EIF3F: variants seen among roughly 807,000 people sequenced by gnomAD.
EIF3F encodes the protein deubiquitinating enzyme eIF3f.
A neutral mutation model predicts 36.0 loss-of-function variants in EIF3F; 8 were observed. The observed-to-expected ratio is 0.22, with a 90% CI of 0.13 to 0.40. EIF3F has a LOEUF of 0.40. Among genes scored for constraint, EIF3F ranks in the 10% least tolerant of loss-of-function variants. EIF3F has a pLI of 1.00. For missense variants in EIF3F, 430 were observed against 467.6 expected (o/e 0.92, Z 0.74); for synonymous variants, 184 against 188.5 (o/e 0.98, Z 0.19).
chr11:7,994,631 T>C lies in EIF3F; in HGVS notation c.745+114T>C, dbSNP rs1040742623. 6 of 974,840 alleles carry C rather than the reference T, an allele frequency of 6.2e-6. No homozygotes were observed. The African/African-American group carries it at 9.8e-5, about 16-fold the overall frequency. 60.4% of individuals were successfully genotyped at this position (974,840 alleles called of 1,614,324 possible). ...GTGGTTTGAAAAGGGACTATTGATC[T>C]AAGGTTTGTGAAGACTAGAAGTCAC... is the stretch of plus-strand genomic sequence containing the variant. On this transcript the variant is annotated intron_variant, in intron 5 of 7. Coordinates refer to ENST00000651655, the MANE Select transcript of EIF3F (RefSeq NM_003754.3).
At chr11:7,989,856 A>G (rs1324986763) in intron 1 of EIF3F, among the ~76,000 whole-genome samples, 1 of 152,272 alleles carries the variant, frequency 6.6e-6, no homozygotes, top group Non-Finnish European at 1.5e-5. Context: ...TGTAGGTGAC[A>G]GGAGGTAGAG....
intron 1 of EIF3F, among the ~76,000 whole-genome samples, chr11:7,988,888 A>G (rs993359201): frequency 6.6e-6 from 1 of 152,244 alleles, no homozygotes; most frequent in African/African-American, 2.4e-5. Context: ...CATTCACATC[A>G]GGCCTGGACC....
At chr11:7,987,814 C>T in intron 1 of EIF3F, 98 bp downstream of exon 1, 3 of 1,373,924 alleles carry the variant, frequency 2.2e-6, no homozygotes, top group Middle Eastern at 2.4e-4. Context: ...GGTGTCCTAC[C>T]GTCCTTTCCT....
At chr11:7,988,625 C>T (rs1430181595) in intron 1 of EIF3F, among the ~76,000 whole-genome samples, 1 of 152,182 alleles carries the variant, frequency 6.6e-6, no homozygotes, top group Non-Finnish European at 1.5e-5. Context: ...CTTTGTGAAT[C>T]CACTTTATTT....
chr11:7,992,011 CCT>C (rs1942102200), intron 2 of EIF3F, 71 bp from the exon 3 acceptor site: 1 of 1,530,668 alleles, frequency 6.5e-7, no homozygotes. Flanking sequence ...TTGGGGGTGG[CCT>C]CTTGTCCTTT....
At position 7,993,042 on chromosome 11, in the gene EIF3F, C is replaced by A; in HGVS notation, c.653+18C>A. 6.4e-7 allele frequency: 1 copy of A among 1,562,922 alleles called. No individual in the cohort carries two copies. The highest frequency in any genetic ancestry group is 1.2e-5 in the South Asian group (1 of 82,542). ...TACGTCAGGTGACCACAGTCTTGGG[C>A]TACAAGGGCATAAAACCATGCCCAG... On this transcript the variant is annotated intron_variant, in intron 4 of 7. Coordinates refer to ENST00000651655, the MANE Select transcript of EIF3F (RefSeq NM_003754.3).
chr11:7,987,835 A>G (rs529343242), intron 1 of EIF3F, 119 bp downstream of exon 1: 13 of 1,345,376 alleles, frequency 9.7e-6, no homozygotes, highest in East Asian at 6.0e-5. Flanking sequence ...CCCATCCCCA[A>G]TGACCTCTTA....
rs774674519 is a variant in EIF3F at position 7,997,360 on chromosome 11, A to G, written c.*1338A>G. Reference sequence around the variant, plus strand: ...TTAGTCTTTTTAAGTATGCATGATAAAATTCCGAGGTTAATTGCTAGAAGT... The same window carrying G: ...TTAGTCTTTTTAAGTATGCATGATAGAATTCCGAGGTTAATTGCTAGAAGT... On this transcript the variant is annotated 3_prime_UTR_variant, in exon 8 of 8. Transcript: ENST00000651655. 6.6e-6 allele frequency: 1 copy of G among 152,196 alleles called. No homozygotes were observed. Among genetic ancestry groups the G allele is most frequent in the Non-Finnish European group, 1.5e-5 (1 of 68,028 alleles). The allele number at this position is 152,196 out of a possible 1,614,324, so 9.4% of individuals were successfully genotyped here.
Position 7,996,123 on chromosome 11 carries a change from G to C in EIF3F, c.*101G>C. The stretch of plus-strand genomic sequence containing the variant: ...TGTGGTCTTGAGTCACACTGAGATA[G>C]TCAGTTGTGTGTGACTCTAATAAAC... On this transcript the variant is annotated 3_prime_UTR_variant, in exon 8 of 8. Transcript: ENST00000651655. 1 of 1,016,626 alleles carries C rather than the reference G, an allele frequency of 9.8e-7. No individual in the cohort carries two copies. The highest frequency in any genetic ancestry group is 1.5e-6 in the Non-Finnish European group (1 of 646,954). The allele number at this position is 1,016,626 out of a possible 1,614,324, so 63.0% of individuals were successfully genotyped here.
rs1283721125 is a variant in EIF3F, at chr11:7,994,418, T to C, written c.654-8T>C. 6.2e-7 allele frequency: 1 copy of C among 1,613,368 alleles called. No individual in the cohort carries two copies. Among genetic ancestry groups the C allele is most frequent in the East Asian group, 2.2e-5 (1 of 44,882 alleles). On this transcript the variant is annotated splice_polypyrimidine_tract_variant and splice_region_variant and intron_variant, in intron 4 of 7. Transcript: ENST00000651655. ...GCCATCTGTTTACTTTGGCTTCTCC[T>C]TCCGCAGCACTTTAATGGGAGTCCC... is the stretch of plus-strand genomic sequence containing the variant.
At chr11:7,992,594 G>C (rs1942110196) in intron 3 of EIF3F, 1 of 469,430 alleles carries the variant, frequency 2.1e-6, no homozygotes, top group East Asian at 4.3e-5. Context: ...CAAAAGGAAA[G>C]TGTGTTACCT....
rs914849346 is a variant in EIF3F at position 7,998,045 on chromosome 11, G to A, written c.*2023G>A. 6.6e-6 allele frequency: 1 copy of A among 152,164 alleles called. No homozygotes were observed. The highest frequency in any genetic ancestry group is 2.4e-5 in the African/African-American group (1 of 41,424). The allele number at this position is 152,164 out of a possible 1,614,324, so 9.4% of individuals were successfully genotyped here. ...CAGAGGATTTTTATATCCAAGGAAGGTTCTGGAACCAATCCTCCACGGATA... is the reference window on the plus strand; with the variant it reads ...CAGAGGATTTTTATATCCAAGGAAGATTCTGGAACCAATCCTCCACGGATA... On this transcript the variant is annotated 3_prime_UTR_variant, in exon 8 of 8. Coordinates refer to ENST00000651655, the MANE Select transcript of EIF3F (RefSeq NM_003754.3).
chr11:7,987,410 G>A lies in EIF3F; in HGVS notation c.58G>A (p.Ala20Thr). 6.2e-7 allele frequency: 1 copy of A among 1,600,932 alleles called. No individual in the cohort carries two copies. The stretch of plus-strand genomic sequence containing the variant: ...TCCGGCCACGCCAACCCCAGTCCCG[G>A]CGGCGGCCCCAGCCTCAGTTCCAGC... ...APPATPTPVPAAAPASVPAPT... is the reference protein window; with the variant it reads ...APPATPTPVPTAAPASVPAPT... The change falls in exon 1 of 8, where the codon GCG (alanine) becomes ACG (threonine). Residue 20 changes from alanine to threonine, a missense_variant. Physicochemically the swap from Ala to Thr is moderately conservative, Grantham distance 58. Around this residue, in one of 2 missense-constraint regions of EIF3F, gnomAD observed 168 missense variants for 120.2 expected, o/e 1.40. Coordinates refer to ENST00000651655, the MANE Select transcript of EIF3F (RefSeq NM_003754.3).
intron 2 of EIF3F, 49 bp downstream of exon 2, chr11:7,991,900 G>T: frequency 6.2e-7 from 1 of 1,605,122 alleles, no homozygotes; most frequent in Non-Finnish European, 8.5e-7. Context: ...CTGTTCATTT[G>T]CTCGGCTCCC....
intron 2 of EIF3F, 24 bp from the exon 3 acceptor site, chr11:7,992,060 T>C: frequency 6.2e-7 from 1 of 1,611,206 alleles, no homozygotes; most frequent in South Asian, 1.1e-5. Context: ...GCTTCTTAGC[T>C]TGCTTTCCTG....
chr11:7,994,542 C>T, intron 5 of EIF3F, 25 bp downstream of exon 5: 4 of 1,603,178 alleles, frequency 2.5e-6, no homozygotes, highest in East Asian at 2.2e-5. Context: ...CATACACTCG[C>T]GAGAGGCCAT....
chr11:7,995,251 C>G lies in EIF3F; in HGVS notation c.883-3C>G, dbSNP rs770576959. On this transcript the variant is annotated splice_polypyrimidine_tract_variant and splice_region_variant and intron_variant, in intron 6 of 7. Transcript: ENST00000651655. ...CTCATCGAGTCTTTGTTTTGGTACTCAGTCTGGAAAGGTGTCAGCTGACAA... is the reference window on the plus strand; with the variant it reads ...CTCATCGAGTCTTTGTTTTGGTACTGAGTCTGGAAAGGTGTCAGCTGACAA... 1 of 1,613,224 alleles carries G rather than the reference C, an allele frequency of 6.2e-7. No homozygotes were observed. The highest frequency in any genetic ancestry group is 1.3e-5 in the African/African-American group (1 of 75,010).
chr11:7,993,488 T>C (rs1942122901), intron 4 of EIF3F, among the ~76,000 whole-genome samples: 1 of 152,218 alleles, frequency 6.6e-6, no homozygotes. Flanking sequence ...TGAGTGCAGT[T>C]TTAATGACAA....
In EIF3F at chr11:8,000,474, C is replaced by G. The variant is rs1230905020; in HGVS notation, c.*4452C>G. Reference sequence around the variant, plus strand: ...AACAGGAGTAGTACGTTCCGGAGACCTGTTGTGCAGCAGGGTGACTAGTTA... The same window carrying G: ...AACAGGAGTAGTACGTTCCGGAGACGTGTTGTGCAGCAGGGTGACTAGTTA... On this transcript the variant is annotated 3_prime_UTR_variant, in exon 8 of 8. Coordinates refer to ENST00000651655, the MANE Select transcript of EIF3F (RefSeq NM_003754.3). 1 of 152,050 alleles carries G rather than the reference C, an allele frequency of 6.6e-6. No homozygotes were observed. The highest frequency in any genetic ancestry group is 2.4e-5 in the African/African-American group (1 of 41,402). The allele number at this position is 152,050 out of a possible 1,614,324, so 9.4% of individuals were successfully genotyped here.
Sources: gnomAD v4.1 joint callset for allele counts (sites outside exome capture counted in the v4.1 genomes callset) on GRCh38, gnomAD v4.1.1 for gene constraint, gnomAD v4.1.1 regional missense constraint, MANE v1.5 for transcripts, NCBI Gene and HGNC (gene_info 2026-07-23, HGNC 2026-07-21) for gene names.